Variants in TBL1X observed in about 807,000 individuals in gnomAD.
TBL1X encodes transducin beta like 1 X-linked.
Under a neutral mutation model 50.7 loss-of-function variants are expected in TBL1X, and 10 were observed. That is an observed-to-expected ratio of 0.20 (90% CI 0.12 to 0.33). TBL1X has a LOEUF of 0.33. Among genes scored for constraint, TBL1X ranks in the 10% least tolerant of loss-of-function variants. TBL1X has a pLI of 1.00. For synonymous variants in TBL1X, 190 were observed against 214.7 expected (o/e 0.88, Z 1.01); for missense variants, 340 against 504.4 (o/e 0.67, Z 3.12).
At chrX:9,525,895 G>A (rs1362421996) in intron 2 of TBL1X, among the ~76,000 whole-genome samples, 1 of 111,255 alleles carries the variant, frequency 9.0e-6, no homozygotes, top group Non-Finnish European at 1.9e-5. Context: ...AGTGTTAGAT[G>A]CCTTCGATGT....
chrX:9,697,563 G>C, intron 12 of TBL1X, 134 bp downstream of exon 12: 1 of 899,983 alleles, frequency 1.1e-6, no homozygotes, highest in Non-Finnish European at 1.6e-6. Context: ...CATGAGGTCA[G>C]GAGTTCAAGA....
chrX:9,488,614 C>G (rs191133426), intron 1 of TBL1X, among the ~76,000 whole-genome samples: 21 of 112,008 alleles, frequency 1.9e-4, no homozygotes, highest in Admixed American at 1.6e-3. Flanking sequence ...AACATATTCT[C>G]AGGTCCCAGG....
rs756159830 is a variant in TBL1X at position 9,556,004 on chromosome X, A to G, written c.-131+54155A>G. ...GGAGTTTGAGATCAGCCTGGGCAAC[A>G]TGGCAAAACCTCATCTCCACAAAAA... On this transcript the variant is annotated intron_variant, in intron 2 of 17. Transcript: ENST00000645353. Among the ~76,000 whole-genome samples the G allele has an allele frequency of 1.2e-4, 13 of 109,537 alleles. No homozygotes were observed. In the South Asian group the frequency reaches 5.2e-3, roughly 44 times the overall value.
At chrX:9,495,918 C>T (rs61558596) in intron 1 of TBL1X, among the ~76,000 whole-genome samples, 2 of 112,235 alleles carry the variant, frequency 1.8e-5, no homozygotes, top group African/African-American at 6.5e-5. Flanking sequence ...CACAGCCACA[C>T]GCTGCATGTT....
intron 2 of TBL1X, among the ~76,000 whole-genome samples, chrX:9,513,345 G>C (rs1304658021): frequency 9.0e-6 from 1 of 110,826 alleles, no homozygotes; most frequent in Non-Finnish European, 1.9e-5. Flanking sequence ...GAGGTGGCCT[G>C]ATGGTGTACT....
At chrX:9,475,667 A>G (rs1265250081) in intron 1 of TBL1X, among the ~76,000 whole-genome samples, 1 of 110,671 alleles carries the variant, frequency 9.0e-6, no homozygotes, top group Non-Finnish European at 1.9e-5. Context: ...GAGAAATAGG[A>G]ATCATCTCTA....
At chrX:9,662,426 A>G (rs982719319) in intron 5 of TBL1X, among the ~76,000 whole-genome samples, 1 of 111,990 alleles carries the variant, frequency 8.9e-6, no homozygotes, top group African/African-American at 3.3e-5. Context: ...CACGGATGAC[A>G]CTTGAAGACA....
At chrX:9,700,621 C>A (rs974120549) in intron 12 of TBL1X, among the ~76,000 whole-genome samples, 4 of 111,873 alleles carry the variant, frequency 3.6e-5, no homozygotes, top group Non-Finnish European at 5.6e-5. Context: ...AAGAAGCTCG[C>A]TCTTCCAGGT....
intron 5 of TBL1X, among the ~76,000 whole-genome samples, chrX:9,683,096 G>A (rs185748067): frequency 1.1e-3 from 120 of 111,976 alleles, no homozygotes; most frequent in African/African-American, 3.7e-3. Context: ...CCTGTTTTAG[G>A]AAACTCCCTG....
At chrX:9,519,839 G>A (rs1466158618) in intron 2 of TBL1X, among the ~76,000 whole-genome samples, 1 of 112,189 alleles carries the variant, frequency 8.9e-6, no homozygotes, top group African/African-American at 3.2e-5. Context: ...AAACGGCAGT[G>A]ACAGCCCAGA....
chrX:9,715,779 G>A (rs1397772732), intron 17 of TBL1X, among the ~76,000 whole-genome samples: 4 of 111,162 alleles, frequency 3.6e-5, no homozygotes, highest in Non-Finnish European at 7.5e-5. Context: ...CTTCCCATGG[G>A]GCATCTGGAT....
At position 9,593,855 on chromosome X, in the gene TBL1X, C is replaced by T. The variant is rs191346075; in HGVS notation, c.-130-46418C>T. ...CCTACCTGGATCTCCTCTCCCTCGT[C>T]GGGCCCACCTCCCTCCACCCTTGGG... On this transcript the variant is annotated intron_variant, in intron 2 of 17. Transcript: ENST00000645353. Among the ~76,000 whole-genome samples, 201 of 111,593 alleles carry T rather than the reference C, an allele frequency of 1.8e-3. 1 individual carries two copies. The highest frequency in any genetic ancestry group is 2.7e-3 in the Non-Finnish European group (144 of 53,027).
At position 9,475,555 on chromosome X, in the gene TBL1X, T is replaced by G. The variant is rs770440221; in HGVS notation, c.-201+10108T>G. Among the ~76,000 whole-genome samples the G allele has an allele frequency of 2.7e-3, 291 of 106,921 alleles. 3 individuals are homozygous for G. Among genetic ancestry groups the G allele is most frequent in the African/African-American group, 9.2e-3 (260 of 28,162 alleles). 92.8% of individuals were successfully genotyped at this position (106,921 alleles called of 115,157 possible). A position where few individuals can be genotyped will look rare whatever the true frequency, so the allele number is the denominator to read the frequency against. The stretch of plus-strand genomic sequence containing the variant: ...ACCACCACGCCTGGCCTCATTAGGT[T>G]TTTTTTTTTTTTCTGAGTTGCTGCT... On this transcript the variant is annotated intron_variant, in intron 1 of 17. Transcript: ENST00000645353.
At chrX:9,530,333 C>T (rs990068282) in intron 2 of TBL1X, among the ~76,000 whole-genome samples, 2 of 112,057 alleles carry the variant, frequency 1.8e-5, no homozygotes, top group Non-Finnish European at 3.8e-5. Context: ...TTGATTTTTT[C>T]CTTCTGTATT....
intron 1 of TBL1X, among the ~76,000 whole-genome samples, chrX:9,486,597 C>A (rs770644712): frequency 9.3e-6 from 1 of 107,744 alleles, no homozygotes; most frequent in Non-Finnish European, 1.9e-5. Flanking sequence ...ACACCCCCCC[C>A]CCACGCCCCC....
chrX:9,536,867 C>T (rs775962804), intron 2 of TBL1X, among the ~76,000 whole-genome samples: 78 of 111,826 alleles, frequency 7.0e-4, no homozygotes, highest in Non-Finnish European at 1.2e-3. Context: ...TTTCTCCTCT[C>T]GCACCAAGGC....
intron 1 of TBL1X, among the ~76,000 whole-genome samples, chrX:9,485,579 G>A (rs1342632314): frequency 8.9e-6 from 1 of 111,863 alleles, no homozygotes; most frequent in African/African-American, 3.3e-5. Flanking sequence ...TGCAGATGCT[G>A]GGATGGCCTT....
intron 2 of TBL1X, among the ~76,000 whole-genome samples, chrX:9,535,263 G>A (rs895259489): frequency 8.9e-6 from 1 of 111,778 alleles, no homozygotes; most frequent in Non-Finnish European, 1.9e-5. Context: ...GTCATTATTT[G>A]AGAGACAGAG....
chrX:9,577,349 A>G (rs1365461425), intron 2 of TBL1X, among the ~76,000 whole-genome samples: 1 of 112,165 alleles, frequency 8.9e-6, no homozygotes, highest in Non-Finnish European at 1.9e-5. Flanking sequence ...GGCTTGATGG[A>G]TAACTGCAGG....
Sources: allele counts gnomAD v4.1 joint callset (sites outside exome capture counted in the v4.1 genomes callset), GRCh38; gene constraint gnomAD v4.1.1; transcripts MANE v1.5; gene names NCBI Gene and HGNC (gene_info 2026-07-23, HGNC 2026-07-21).